The following TP63 variants were observed in gnomAD, a reference collection of about 807,000 sequenced individuals.
The protein encoded by TP63 is tumor protein p63.
A neutral mutation model predicts 82.8 loss-of-function variants in TP63; 17 were observed. That is an observed-to-expected ratio of 0.21 (90% CI 0.14 to 0.31). The LOEUF (loss-of-function observed/expected upper bound fraction) is 0.31, where lower values mean the gene tolerates loss of function less well. Among genes scored for constraint, TP63 ranks in the 10% least tolerant of loss-of-function variants. The pLI is 1.00. For synonymous variants in TP63, 330 were observed against 321.7 expected (o/e 1.03, Z -0.28); for missense variants, 648 against 895.3 (o/e 0.72, Z 3.52).
intron 3 of TP63, among the ~76,000 whole-genome samples, chr3:189,800,702 T>G (rs1483770981): frequency 6.6e-6 from 1 of 152,084 alleles, no homozygotes; most frequent in African/African-American, 2.4e-5. Context: ...TTCAGTTTCC[T>G]CATCTATAAA....
Position 189,676,289 on chromosome 3 carries a change from T to C in TP63, c.62+44712T>C, listed in dbSNP as rs941934675. On this transcript the variant is annotated intron_variant, in intron 1 of 13. Transcript: ENST00000264731. ...TATTCATCCTGCATAACTGAAACAT[T>C]GTGCCCTTTCACCAATATCCTCCCA... Among the ~76,000 whole-genome samples the C allele has an allele frequency of 2.0e-5, 3 of 152,114 alleles. 1 individual carries two copies. Among genetic ancestry groups the C allele is most frequent in the Admixed American group, 6.6e-5 (1 of 15,242 alleles).
At chr3:189,609,099 G>A in the TP63 span, among the ~76,000 whole-genome samples, 18 of 151,988 alleles carry the variant, frequency 1.2e-4, no homozygotes, top group Admixed American at 2.0e-4. Context: ...ATTCACAACC[G>A]CTGTGGGCAA....
the TP63 span, among the ~76,000 whole-genome samples, chr3:189,614,525 A>T: frequency 6.6e-6 from 1 of 152,196 alleles, no homozygotes; most frequent in Non-Finnish European, 1.5e-5. Context: ...TTGCTAGCTT[A>T]ATAGGACTAA....
chr3:189,661,591 ATTAG>A (rs1191543193), intron 1 of TP63, among the ~76,000 whole-genome samples: 2 of 152,188 alleles, frequency 1.3e-5, no homozygotes, highest in African/African-American at 4.8e-5. Context: ...GCTTCATAGA[ATTAG>A]TTAGGGACGA....
intron 3 of TP63, among the ~76,000 whole-genome samples, chr3:189,740,478 G>GT (rs1720901311): frequency 6.6e-6 from 1 of 151,926 alleles, no homozygotes; most frequent in Non-Finnish European, 1.5e-5. Flanking sequence ...GAAGCACGTA[G>GT]TTTTTTATTG....
At chr3:189,761,413 G>A (rs564211323) in intron 3 of TP63, among the ~76,000 whole-genome samples, 14 of 142,414 alleles carry the variant, frequency 9.8e-5, no homozygotes, top group Admixed American at 2.1e-4. Flanking sequence ...AATCTGTAGG[G>A]CAGGGGCAAA....
the TP63 span, among the ~76,000 whole-genome samples, chr3:189,598,003 A>C: frequency 6.6e-6 from 1 of 152,186 alleles, no homozygotes; most frequent in Non-Finnish European, 1.5e-5. Flanking sequence ...AGAGACTTAA[A>C]ATTTACAAAA....
chr3:189,858,807 G>A (rs1445298363), intron 4 of TP63, among the ~76,000 whole-genome samples: 1 of 152,060 alleles, frequency 6.6e-6, no homozygotes, highest in Non-Finnish European at 1.5e-5. Context: ...TCCTGATCCT[G>A]TCATTTGCAA....
At chr3:189,713,439 A>C (rs1718740510) in intron 1 of TP63, among the ~76,000 whole-genome samples, 1 of 152,134 alleles carries the variant, frequency 6.6e-6, no homozygotes, top group Admixed American at 6.6e-5. Context: ...TCCTGAGCTG[A>C]GTTCTTTTCA....
At chr3:189,779,308 C>T (rs529378263) in intron 3 of TP63, among the ~76,000 whole-genome samples, 1 of 152,210 alleles carries the variant, frequency 6.6e-6, no homozygotes, top group Admixed American at 6.5e-5. Context: ...ATCAAACCAG[C>T]AGCCTCCATA....
Position 189,880,968 on chromosome 3 carries a change from C to T in TP63, c.1350-5426C>T, listed in dbSNP as rs1719846103. ...TTGTTTGGCCCCCATAGCAGGTGAA[C>T]TCATTTTGTGCTTTTAATAGAAAGA... On this transcript the variant is annotated intron_variant, in intron 10 of 13. Transcript: ENST00000264731. 11 of 985,270 alleles carry T rather than the reference C, an allele frequency of 1.1e-5. No homozygotes were observed. In the South Asian group the frequency reaches 5.2e-4, roughly 46 times the overall value. The allele number at this position is 985,270 out of a possible 1,614,324, so 61.0% of individuals were successfully genotyped here.
the TP63 span, among the ~76,000 whole-genome samples, chr3:189,624,904 T>C: frequency 6.6e-6 from 1 of 152,158 alleles, no homozygotes; most frequent in East Asian, 1.9e-4. Context: ...GTAGCAATAA[T>C]TTAGCTATAC....
chr3:189,656,853 G>C lies in TP63; in HGVS notation c.62+25276G>C, dbSNP rs9853796. ...ATGTATGTCTCCAAAACAGAAAGAA[G>C]TGAAGGGGAAAATAGACAACTTTAT... On this transcript the variant is annotated intron_variant, in intron 1 of 13. Transcript: ENST00000264731. Among the ~76,000 whole-genome samples the C allele has an allele frequency of 0.44, 66,782 of 151,762 alleles. 16,076 individuals carry two copies. The highest frequency in any genetic ancestry group is 0.69 in the Middle Eastern group (202 of 292).
intron 3 of TP63, among the ~76,000 whole-genome samples, chr3:189,783,965 A>G (rs1293548513): frequency 6.6e-6 from 1 of 151,926 alleles, no homozygotes; most frequent in Non-Finnish European, 1.5e-5. Context: ...AATACTCAAA[A>G]TATAATGATA....
chr3:189,830,832 TAAATATTGTTTGAAGA>T (rs1281721826), intron 4 of TP63, among the ~76,000 whole-genome samples: 3 of 152,208 alleles, frequency 2.0e-5, no homozygotes, highest in Non-Finnish European at 4.4e-5. Context: ...AGACACTTAG[TAAATATTGTTTGAAGA>T]AGGGAATGAA....
intron 10 of TP63, among the ~76,000 whole-genome samples, chr3:189,877,886 G>T (rs994996276): frequency 6.6e-6 from 1 of 151,930 alleles, no homozygotes; most frequent in African/African-American, 2.4e-5. Context: ...TCTCTTTTTT[G>T]TAGGATTGTT....
intron 1 of TP63, among the ~76,000 whole-genome samples, chr3:189,693,964 C>T (rs1162728301): frequency 1.3e-5 from 2 of 152,040 alleles, no homozygotes; most frequent in South Asian, 4.2e-4. Context: ...ATTACATGGC[C>T]ATATTGTTTT....
chr3:189,764,827 G>A (rs1431373993), intron 3 of TP63, among the ~76,000 whole-genome samples: 5 of 152,106 alleles, frequency 3.3e-5, no homozygotes, highest in African/African-American at 9.7e-5. Flanking sequence ...GTACTTCGGC[G>A]GCACAGCGTA....
intron 3 of TP63, among the ~76,000 whole-genome samples, chr3:189,796,195 C>T (rs1370605888): frequency 6.6e-6 from 1 of 151,908 alleles, no homozygotes; most frequent in Admixed American, 6.6e-5. Flanking sequence ...TAAAAGCCAA[C>T]CCCACCAAAT....
Sources: allele counts gnomAD v4.1 joint callset (sites outside exome capture counted in the v4.1 genomes callset), GRCh38; gene constraint gnomAD v4.1.1; transcripts MANE v1.5; gene names NCBI Gene and HGNC (gene_info 2026-07-23, HGNC 2026-07-21).